The following CAPN3 variants were observed in gnomAD, a reference collection of about 807,000 sequenced individuals.
CAPN3 encodes calpain-3.
CAPN3 carries 88 observed loss-of-function variants against 114.0 expected under a neutral mutation model. That is an observed-to-expected ratio of 0.77 (90% CI 0.65 to 0.92). The LOEUF is 0.92. Ranked by LOEUF, CAPN3 falls within the 40% of genes least tolerant of loss-of-function variation. CAPN3 has a pLI of 0.00. For synonymous variants in CAPN3, 386 were observed against 382.9 expected, an observed-to-expected ratio of 1.01 and a Z score of -0.09; for missense variants, 1,028 against 1,069.0, an observed-to-expected ratio of 0.96 and a Z score of 0.53.
chr15:42,360,126 C>T lies in CAPN3; in HGVS notation c.309+12C>T, dbSNP rs200773265. ...GGAAGAGACCTCCGGTGAGTAGCTT[C>T]CTGCTTGCTGGCTGGGTTTTCCCCC... On this transcript the variant is annotated intron_variant, in intron 1 of 23. Coordinates refer to ENST00000397163, the MANE Select transcript of CAPN3 (RefSeq NM_000070.3). 1,439 of 1,614,104 alleles carry T rather than the reference C, an allele frequency of 8.9e-4. 22 individuals carry two copies. In the South Asian group the frequency reaches 0.015, roughly 16 times the overall value.
chr15:42,389,151 T>C lies in CAPN3; in HGVS notation c.801+55T>C, dbSNP rs764613312. 2.0e-5 allele frequency: 31 copies of C among 1,563,176 alleles called. 1 individual carries two copies. The highest frequency in any genetic ancestry group is 4.5e-5 in the South Asian group (4 of 89,686). The stretch of plus-strand genomic sequence containing the variant: ...GGAGCTCCAAGTGTCAGGAAGCCTT[T>C]TACCCAATGAAGGGCAGCATAGAGC... On this transcript the variant is annotated intron_variant, in intron 5 of 23. Coordinates refer to ENST00000397163, the MANE Select transcript of CAPN3 (RefSeq NM_000070.3).
chr15:42,394,188 T>C (rs2053630849), intron 7 of CAPN3, 68 bp from the exon 8 acceptor site: 2 of 1,429,776 alleles, frequency 1.4e-6, no homozygotes, highest in African/African-American at 2.8e-5. Flanking sequence ...GTCCCAGCCC[T>C]CAGCAAGACA....
chr15:42,377,879 C>T (rs1035763471), intron 1 of CAPN3, among the ~76,000 whole-genome samples: 1 of 152,108 alleles, frequency 6.6e-6, no homozygotes, highest in Non-Finnish European at 1.5e-5. Flanking sequence ...ATCTAATCCT[C>T]GAATGAATTT....
Position 42,412,133 on chromosome 15 carries a change from T to C in CAPN3, c.*360T>C, listed in dbSNP as rs1194715818. 3.9e-6 allele frequency: 6 copies of C among 1,535,920 alleles called. No homozygotes were observed. Among genetic ancestry groups the C allele is most frequent in the Non-Finnish European group, 5.2e-6 (6 of 1,146,908 alleles). On this transcript the variant is annotated 3_prime_UTR_variant, in exon 24 of 24. Transcript: ENST00000397163. ...GGTGGCACTCAGCACCTCCTTGTGC[T>C]AGAGCCCTCCATCACCTTCACGCTG... is the stretch of plus-strand genomic sequence containing the variant.
intron 1 of CAPN3, among the ~76,000 whole-genome samples, chr15:42,373,819 A>G (rs1191711397): frequency 1.3e-5 from 2 of 152,150 alleles, no homozygotes; most frequent in Non-Finnish European, 2.9e-5. Context: ...ACCCCCAAAC[A>G]ATGGCATGGA....
intron 8 of CAPN3, among the ~76,000 whole-genome samples, chr15:42,395,700 C>A (rs1369949442): frequency 6.6e-6 from 1 of 152,166 alleles, no homozygotes; most frequent in Non-Finnish European, 1.5e-5. Flanking sequence ...CATGATGCTG[C>A]CATCACAGGG....
At chr15:42,402,238 G>A (rs371519779) in intron 12 of CAPN3, 103 bp downstream of exon 12, 1 of 1,605,158 alleles carries the variant, frequency 6.2e-7, no homozygotes, top group East Asian at 2.2e-5. Flanking sequence ...TTTGTGGGCA[G>A]GACTGTGATA....
intron 1 of CAPN3, among the ~76,000 whole-genome samples, chr15:42,372,432 C>A (rs1595805826): frequency 6.6e-6 from 1 of 152,180 alleles, no homozygotes; most frequent in Non-Finnish European, 1.5e-5. Context: ...GTGCTGGGAT[C>A]ACAGGTGTGA....
Position 42,412,198 on chromosome 15 carries a change from A to T in CAPN3, c.*425A>T, listed in dbSNP as rs1254308395. ...AGGAACCAAACCAGCACTGGGTTCT[A>T]CTGCTGTGGGGTAAACTAACTCAGT... On this transcript the variant is annotated 3_prime_UTR_variant, in exon 24 of 24. Coordinates refer to ENST00000397163, the MANE Select transcript of CAPN3 (RefSeq NM_000070.3). The T allele has an allele frequency of 1.3e-6, 2 of 1,535,926 alleles. No individual in the cohort carries two copies. Among genetic ancestry groups the T allele is most frequent in the Non-Finnish European group, 1.7e-6 (2 of 1,146,724 alleles).
intron 6 of CAPN3, among the ~76,000 whole-genome samples, chr15:42,392,045 A>G (rs138144170): frequency 2.6e-5 from 4 of 152,128 alleles, no homozygotes; most frequent in Non-Finnish European, 5.9e-5. Context: ...CGTGCCTGTA[A>G]TCCCAGCTAC....
chr15:42,386,049 A>G, intron 2 of CAPN3, 118 bp from the exon 3 acceptor site: 1 of 781,580 alleles, frequency 1.3e-6, no homozygotes, highest in Non-Finnish European at 2.3e-6. Flanking sequence ...TGGAAGTAGG[A>G]GAGTGGGCAC....
chr15:42,398,302 A>T (rs1174186959), intron 9 of CAPN3, among the ~76,000 whole-genome samples: 1 of 151,550 alleles, frequency 6.6e-6, no homozygotes, highest in Non-Finnish European at 1.5e-5. Flanking sequence ...AAAGATATAT[A>T]GGCTGGGCGT....
intron 1 of CAPN3, among the ~76,000 whole-genome samples, chr15:42,362,424 T>TCTA (rs2052669500): frequency 4.6e-5 from 7 of 152,286 alleles, no homozygotes; most frequent in Admixed American, 4.6e-4. Flanking sequence ...GCAGTGTCCA[T>TCTA]GTTTGAAATG....
chr15:42,384,338 G>A (rs761217215), intron 1 of CAPN3, 145 bp from the exon 2 acceptor site: 44 of 681,864 alleles, frequency 6.5e-5, no homozygotes, highest in Non-Finnish European at 1.1e-4. Flanking sequence ...CTTGAACCCC[G>A]GAGGCAGAGG....
chr15:42,361,510 A>T (rs2052643388), intron 1 of CAPN3, among the ~76,000 whole-genome samples: 1 of 152,270 alleles, frequency 6.6e-6, no homozygotes, highest in East Asian at 1.9e-4. Flanking sequence ...GAGGTGGAGT[A>T]CTAGACAACC....
rs562054483 is a variant in CAPN3, at chr15:42,369,874, T to C, written c.309+9760T>C. On this transcript the variant is annotated intron_variant, in intron 1 of 23. Transcript: ENST00000397163. The stretch of plus-strand genomic sequence containing the variant: ...CAGCACTTTCTTTCTTTCTTTCTTT[T>C]TTTTTTTTTTTTTTGAGACAGAGTC... 5.5e-4 allele frequency among the ~76,000 whole-genome samples: 82 copies of C among 149,428 alleles called. 1 individual carries two copies. In the South Asian group the frequency reaches 5.7e-3, roughly 10 times the overall value.
chr15:42,369,698 C>A (rs1256289830), intron 1 of CAPN3, among the ~76,000 whole-genome samples: 1 of 151,948 alleles, frequency 6.6e-6, no homozygotes, highest in Non-Finnish European at 1.5e-5. Context: ...CAAAATGTGC[C>A]ACGCCCATCT....
chr15:42,408,303 T>G lies in CAPN3; in HGVS notation c.1893T>G (p.Asp631Glu). ...AGGGCAAAGGCAAAACAAGCCCTGA[T>G]AAGCAAAAGCAGTCCCCACAGGTGT... ...SEEGKGKTSP[D>E]KQKQSPQPQP... The change falls in exon 16 of 24, where the codon GAT becomes GAG. Residue 631 changes from aspartate to glutamate, a missense_variant. By Grantham distance (45) the Asp-to-Glu change is conservative. Coordinates refer to ENST00000397163, the MANE Select transcript of CAPN3 (RefSeq NM_000070.3). 6.2e-7 allele frequency: 1 copy of G among 1,613,152 alleles called. No individual in the cohort carries two copies. The highest frequency in any genetic ancestry group is 8.5e-7 in the Non-Finnish European group (1 of 1,179,244).
At chr15:42,408,963 G>A (rs1188113878) in intron 16 of CAPN3, 3 of 366,120 alleles carry the variant, frequency 8.2e-6, no homozygotes, top group African/African-American at 2.1e-5. Flanking sequence ...GAATCAGAAC[G>A]GTCAGACCTT....
Sources: gnomAD v4.1 joint callset for allele counts (sites outside exome capture counted in the v4.1 genomes callset) on GRCh38, gnomAD v4.1.1 for gene constraint, MANE v1.5 for transcripts, NCBI Gene and HGNC (gene_info 2026-07-23, HGNC 2026-07-21) for gene names.